Variants in SLC4A8 observed in about 807,000 individuals in gnomAD.
The protein encoded by SLC4A8 is solute carrier family 4 member 8.
In SLC4A8, 40 loss-of-function variants were observed where a neutral mutation model predicts 125.0. The ratio of observed to expected loss-of-function variants is 0.32; its 90% confidence interval spans 0.25 to 0.42. The LOEUF is 0.42. Among genes scored for constraint, SLC4A8 ranks in the 10% least tolerant of loss-of-function variants. SLC4A8 has a pLI of 1.00. For synonymous variants in SLC4A8, 456 were observed against 476.0 expected, an observed-to-expected ratio of 0.96 and a Z score of 0.55; for missense variants, 863 against 1,355.1, an observed-to-expected ratio of 0.64 and a Z score of 5.70.
intron 1 of SLC4A8, among the ~76,000 whole-genome samples, chr12:51,408,308 C>T (rs932059063): frequency 2.6e-5 from 4 of 152,218 alleles, no homozygotes; most frequent in African/African-American, 9.6e-5. Flanking sequence ...TGGCTTACTG[C>T]AACCTCCGTC....
In SLC4A8 at chr12:51,504,930, C is replaced by G. The variant is rs4604939; in HGVS notation, c.3173+810C>G. ...CTTGTGTACCTCTAGGTACCATAAG[C>G]TGAAAAACCTAGAGGTCAAGAGGGA... On this transcript the variant is annotated intron_variant, in intron 23 of 24. Coordinates refer to ENST00000453097, the MANE Select transcript of SLC4A8 (RefSeq NM_001039960.3). Among the ~76,000 whole-genome samples, 165 of 152,276 alleles carry G rather than the reference C, an allele frequency of 1.1e-3. 2 individuals carry two copies. The South Asian group carries it at 0.033, about 30-fold the overall frequency.
chr12:51,484,316 G>T (rs1951107324), intron 16 of SLC4A8, among the ~76,000 whole-genome samples: 1 of 152,182 alleles, frequency 6.6e-6, no homozygotes, highest in South Asian at 2.1e-4. Context: ...AAGTGCTAGG[G>T]AGGTGCAACA....
chr12:51,493,776 T>C lies in SLC4A8; in HGVS notation c.2769+4T>C, dbSNP rs369391708. Reference sequence around the variant, plus strand: ...TTCTTCACTACAGGGAATTCAGGTATTGTATGGTTCAGCCAGGGCAGTTTC... The same window carrying C: ...TTCTTCACTACAGGGAATTCAGGTACTGTATGGTTCAGCCAGGGCAGTTTC... On this transcript the variant is annotated splice_donor_region_variant and intron_variant, in intron 20 of 24. Coordinates refer to ENST00000453097, the MANE Select transcript of SLC4A8 (RefSeq NM_001039960.3). 61 of 1,587,830 alleles carry C rather than the reference T, an allele frequency of 3.8e-5. 1 individual carries two copies. The highest frequency in any genetic ancestry group is 3.8e-4 in the Admixed American group (23 of 59,988).
Position 51,440,698 on chromosome 12 carries a change from G to A in SLC4A8, c.49-10G>A. The A allele has an allele frequency of 1.2e-6, 2 of 1,608,530 alleles. No individual in the cohort carries two copies. Among genetic ancestry groups the A allele is most frequent in the Admixed American group, 3.4e-5 (2 of 59,048 alleles). On this transcript the variant is annotated splice_polypyrimidine_tract_variant and intron_variant, in intron 1 of 24. Transcript: ENST00000453097. ...TGTATTACTGTGACTACTTATTTGT[G>A]TTTAAACAGAGACCAGATGAAGAAG...
intron 1 of SLC4A8, among the ~76,000 whole-genome samples, chr12:51,431,491 T>C (rs1377290836): frequency 6.6e-6 from 1 of 152,278 alleles, no homozygotes; most frequent in African/African-American, 2.4e-5. Flanking sequence ...CATTTTGGAA[T>C]TTTAGGCCCC....
At chr12:51,499,343 G>A (rs780918636) in intron 22 of SLC4A8, among the ~76,000 whole-genome samples, 1 of 149,708 alleles carries the variant, frequency 6.7e-6, no homozygotes, top group Non-Finnish European at 1.5e-5. Flanking sequence ...GTGCATGTGT[G>A]CACCCCCCAC....
At chr12:51,402,124 G>A (rs977116523) in intron 1 of SLC4A8, among the ~76,000 whole-genome samples, 30 of 152,124 alleles carry the variant, frequency 2.0e-4, no homozygotes, top group African/African-American at 6.8e-4. Context: ...TGATATATGT[G>A]TGTTATGCAA....
chr12:51,505,269 G>A (rs1264618077), intron 23 of SLC4A8, among the ~76,000 whole-genome samples: 1 of 152,150 alleles, frequency 6.6e-6, no homozygotes, highest in Non-Finnish European at 1.5e-5. Context: ...ACCAAGGGCT[G>A]GGTTCAAGGT....
intron 3 of SLC4A8, among the ~76,000 whole-genome samples, chr12:51,451,855 C>G (rs1401903877): frequency 1.3e-5 from 2 of 151,692 alleles, no homozygotes; most frequent in Non-Finnish European, 2.9e-5. Context: ...AGGTAAAACC[C>G]CTTGCTAGAG....
intron 1 of SLC4A8, among the ~76,000 whole-genome samples, chr12:51,434,999 T>C (rs1241581523): frequency 6.6e-6 from 1 of 152,234 alleles, no homozygotes; most frequent in Non-Finnish European, 1.5e-5. Context: ...ACCCAGTACC[T>C]ATCCTCCTAG....
At chr12:51,500,194 T>C (rs544477012) in intron 22 of SLC4A8, among the ~76,000 whole-genome samples, 184 of 152,306 alleles carry the variant, frequency 1.2e-3, no homozygotes, top group African/African-American at 4.2e-3. Context: ...AGATCTCCTT[T>C]GGATGTTAAG....
At chr12:51,468,828 T>C (rs1226126269) in intron 11 of SLC4A8, among the ~76,000 whole-genome samples, 1 of 152,210 alleles carries the variant, frequency 6.6e-6, no homozygotes, top group South Asian at 2.1e-4. Context: ...TCTCCAGCCT[T>C]GTCTATTGGC....
chr12:51,441,146 G>A (rs1384387379), intron 2 of SLC4A8: 11 of 993,048 alleles, frequency 1.1e-5, no homozygotes, highest in African/African-American at 1.7e-5. Flanking sequence ...AAAACTTAAA[G>A]AGAAAATAAA....
At chr12:51,475,581 G>A (rs1950832864) in intron 16 of SLC4A8, among the ~76,000 whole-genome samples, 1 of 152,146 alleles carries the variant, frequency 6.6e-6, no homozygotes, top group African/African-American at 2.4e-5. Flanking sequence ...TGTGACCTTG[G>A]ATACTTTAGG....
chr12:51,463,627 T>C lies in SLC4A8; in HGVS notation c.1262T>C (p.Met421Thr), dbSNP rs560148430. 1.2e-6 allele frequency: 2 copies of C among 1,613,516 alleles called. No individual in the cohort carries two copies. The highest frequency in any genetic ancestry group is 2.2e-5 in the South Asian group (2 of 91,060). The change falls in exon 11 of 25, where the codon ATG (methionine) becomes ACG (threonine). Residue 421 changes from methionine (M) to threonine (T), a missense_variant. Coordinates refer to ENST00000453097, the MANE Select transcript of SLC4A8 (RefSeq NM_001039960.3). ...TTCTGTTAAAAGGAGAAAAGGAAAATGCCTGGAGTTCCAAATGGAAATGTT... is the reference window on the plus strand; with the variant it reads ...TTCTGTTAAAAGGAGAAAAGGAAAACGCCTGGAGTTCCAAATGGAAATGTT... ...KNVPSQEKRK[M>T]PGVPNGNVCH... is the part of the protein sequence containing the mutation.
At chr12:51,437,466 T>A (rs1949456694) in intron 1 of SLC4A8, among the ~76,000 whole-genome samples, 2 of 152,174 alleles carry the variant, frequency 1.3e-5, no homozygotes, top group South Asian at 4.1e-4. Flanking sequence ...GAGTTCTTGC[T>A]CTGAGTTCAC....
rs570369091 is a variant in SLC4A8 at position 51,512,959 on chromosome 12, G to A, written c.*5521G>A. On this transcript the variant is annotated 3_prime_UTR_variant, in exon 25 of 25. Transcript: ENST00000453097. ...CCACATTTGCTTGGGCCAGGGAAGT[G>A]GTGCACCTCTTTTATAACAATGGGA... 1.3e-5 allele frequency: 2 copies of A among 152,176 alleles called. No homozygotes were observed. The highest frequency in any genetic ancestry group is 1.9e-4 in the East Asian group (1 of 5,200). The allele number at this position is 152,176 out of a possible 1,614,324, so 9.4% of individuals were successfully genotyped here. A position where few individuals can be genotyped will look rare whatever the true frequency, so the allele number is the denominator to read the frequency against.
At position 51,425,039 on chromosome 12, in the gene SLC4A8, G is replaced by A. The variant is rs1490332434; in HGVS notation, c.48+4G>A. 1 of 1,554,478 alleles carries A rather than the reference G, an allele frequency of 6.4e-7. No individual in the cohort carries two copies. Among genetic ancestry groups the A allele is most frequent in the Admixed American group, 1.9e-5 (1 of 52,126 alleles). ...GGACGGCGTCCTCAGCTATCAGGTA[G>A]GGCCCCGCCTCCCGCGCCTCCCGCT... On this transcript the variant is annotated splice_donor_region_variant and intron_variant, in intron 1 of 24. Coordinates refer to ENST00000453097, the MANE Select transcript of SLC4A8 (RefSeq NM_001039960.3).
Position 51,461,993 on chromosome 12 carries a change from A to C in SLC4A8, c.1102-317A>C, listed in dbSNP as rs530768194. ...CTCTCAACGTGGGAAAGCTGATTAAAATTTTTTTTTTCATATATCTTGCCT... is the reference window on the plus strand; with the variant it reads ...CTCTCAACGTGGGAAAGCTGATTAACATTTTTTTTTTCATATATCTTGCCT... On this transcript the variant is annotated intron_variant, in intron 9 of 24. Coordinates refer to ENST00000453097, the MANE Select transcript of SLC4A8 (RefSeq NM_001039960.3). The C allele has an allele frequency of 2.9e-4, 61 of 210,058 alleles. No individual in the cohort carries two copies. In the Middle Eastern group the frequency reaches 5.8e-3, roughly 20 times the overall value. The allele number at this position is 210,058 out of a possible 1,614,324, so 13.0% of individuals were successfully genotyped here.
Sources: gnomAD v4.1 joint callset for allele counts (sites outside exome capture counted in the v4.1 genomes callset) on GRCh38, gnomAD v4.1.1 for gene constraint, MANE v1.5 for transcripts, NCBI Gene and HGNC (gene_info 2026-07-23, HGNC 2026-07-21) for gene names.